The following FERMT2 variants were observed in gnomAD, a reference collection of about 807,000 sequenced individuals.
FERMT2 encodes the protein fermitin family homolog 2.
In FERMT2, 15 loss-of-function variants were observed where a neutral mutation model predicts 82.7. The ratio of observed to expected loss-of-function variants is 0.18; its 90% CI spans 0.12 to 0.28. The LOEUF (loss-of-function observed/expected upper bound fraction) is 0.28, where lower values mean the gene tolerates loss of function less well. Among genes scored for constraint, FERMT2 ranks in the 10% least tolerant of loss-of-function variants. The pLI, the probability that FERMT2 is intolerant of heterozygous loss-of-function variation, is 1.00. For synonymous variants in FERMT2, 274 were observed against 271.5 expected, an observed-to-expected ratio of 1.01 and a Z score of -0.09; for missense variants, 645 against 809.4, an observed-to-expected ratio of 0.80 and a Z score of 2.46.
Position 52,858,452 on chromosome 14 carries a change from G to A in FERMT2, c.1968C>T (p.Leu656=), listed in dbSNP as rs1437101881. ...VHEFIGGYIF[L]STRAKDQNES... is the part of the protein sequence containing the mutation. ...CGTTTTGGTCTTTTGCACGTGTTGA[G>A]AGAAATATGTAGCCACCAATGAATT... Residue 656 remains leucine (L), a synonymous_variant, in exon 15 of 15, where the codon CTC becomes CTT. Transcript: ENST00000341590. The A allele has an allele frequency of 9.3e-6, 15 of 1,614,094 alleles. No individual in the cohort carries two copies. The highest frequency in any genetic ancestry group is 1.6e-4 in the Middle Eastern group (1 of 6,062).
rs1885707980 is a variant in FERMT2 at position 52,872,821 on chromosome 14, T to C, written c.1251A>G (p.Pro417=). 10 of 1,613,892 alleles carry C rather than the reference T, an allele frequency of 6.2e-6. No individual in the cohort carries two copies. Among genetic ancestry groups the C allele is most frequent in the Non-Finnish European group, 8.5e-6 (10 of 1,179,918 alleles). ...TACCCCTGAGGTTCATCTGATGAGC[T>C]GGTGTGCCACTGGATTCTTCTTTGC... ...YKSKEESSGT[P]AHQMNLRGCE... Residue 417 remains proline, a synonymous_variant, in exon 10 of 15, where the codon CCA becomes CCG. Transcript: ENST00000341590.
chr14:52,902,891 ACC>A (rs1290427029), intron 3 of FERMT2, among the ~76,000 whole-genome samples: 6 of 77,076 alleles, frequency 7.8e-5, no homozygotes, highest in Non-Finnish European at 1.0e-4. Flanking sequence ...AAAAAAAAAA[ACC>A]CCAAAACACT....
At position 52,902,868 on chromosome 14, in the gene FERMT2, CA is replaced by C. The variant is rs1252336097; in HGVS notation, c.392-9442del. 2.3e-3 allele frequency among the ~76,000 whole-genome samples: 13 copies of C among 5,544 alleles called. No homozygotes were observed. The South Asian group carries it at 0.048, about 21-fold the overall frequency. The allele number at this position is 5,544 out of a possible 152,430, so 3.6% of individuals were successfully genotyped here. ...TGGGTGGCTGAGCAAGACTCCGTCT[CA>C]AAAAAAAAAAAAAAAAAAAAAACCC... is the stretch of plus-strand genomic sequence containing the variant. On this transcript the variant is annotated intron_variant, in intron 3 of 14. Coordinates refer to ENST00000341590, the MANE Select transcript of FERMT2 (RefSeq NM_006832.3).
intron 2 of FERMT2, among the ~76,000 whole-genome samples, chr14:52,939,192 T>TAAAAA (rs34395615): frequency 1.2e-5 from 1 of 86,038 alleles, no homozygotes. Flanking sequence ...CCATCTCTAC[T>TAAAAA]AAAAAAAAAA....
At chr14:52,910,425 G>A (rs1370308390) in intron 3 of FERMT2, among the ~76,000 whole-genome samples, 1 of 151,920 alleles carries the variant, frequency 6.6e-6, no homozygotes, top group East Asian at 1.9e-4. Flanking sequence ...TCAGATTTTG[G>A]GAGAAAAAGT....
At chr14:52,939,503 T>C (rs905030046) in intron 2 of FERMT2, among the ~76,000 whole-genome samples, 7 of 152,200 alleles carry the variant, frequency 4.6e-5, no homozygotes, top group Admixed American at 1.3e-4. Context: ...TAGCTGGAAC[T>C]GTAATTATCA....
chr14:52,858,219 G>A lies in FERMT2; in HGVS notation c.*158C>T, dbSNP rs1274263965. 3.3e-6 allele frequency: 2 copies of A among 608,128 alleles called. No individual in the cohort carries two copies. The highest frequency in any genetic ancestry group is 2.9e-6 in the Non-Finnish European group (1 of 343,514). The allele number at this position is 608,128 out of a possible 1,614,324, so 37.7% of individuals were successfully genotyped here. ...CATAACATGATAGATTAATAGTCGT[G>A]CTTGTTTAGTGCACATATTAACTGG... On this transcript the variant is annotated 3_prime_UTR_variant, in exon 15 of 15. Coordinates refer to ENST00000341590, the MANE Select transcript of FERMT2 (RefSeq NM_006832.3).
intron 4 of FERMT2, chr14:52,881,740 T>C: frequency 7.5e-7 from 1 of 1,330,958 alleles, no homozygotes. Context: ...AAAATAAGGA[T>C]ATAGCTGAAG....
Position 52,859,697 on chromosome 14 carries a change from T to C in FERMT2, c.1745A>G (p.Lys582Arg). ...GTATGCAATTCCAATAAGTTCTTCT[T>C]TTTTGCCCCCTTGGAACCTATAACA... ...HFIARFQGGK[K>R]EELIGIAYNR... The change falls in exon 14 of 15, where the codon AAA (lysine) becomes AGA (arginine). Residue 582 changes from lysine (K) to arginine (R), a missense_variant. Transcript: ENST00000341590. 6.3e-7 allele frequency: 1 copy of C among 1,595,436 alleles called. No homozygotes were observed. The highest frequency in any genetic ancestry group is 8.5e-7 in the Non-Finnish European group (1 of 1,169,812).
intron 7 of FERMT2, among the ~76,000 whole-genome samples, chr14:52,877,574 C>CTTTTTTTCTTTTT (rs1886042222): frequency 1.5e-5 from 1 of 67,062 alleles, no homozygotes; most frequent in African/African-American, 6.1e-5. Flanking sequence ...GCTGTTCTTG[C>CTTTTTTTCTTTTT]TTTTTTTTTT....
chr14:52,905,434 T>G (rs1304447697), intron 3 of FERMT2, among the ~76,000 whole-genome samples: 1 of 152,132 alleles, frequency 6.6e-6, no homozygotes, highest in Admixed American at 6.5e-5. Flanking sequence ...AAAAAATAAT[T>G]TCAAAAATCT....
chr14:52,903,626 A>C (rs917045053), intron 3 of FERMT2, among the ~76,000 whole-genome samples: 2 of 152,214 alleles, frequency 1.3e-5, no homozygotes, highest in Non-Finnish European at 2.9e-5. Context: ...AAGATAATTT[A>C]ACAATGACTT....
chr14:52,864,696 T>C (rs755315837), intron 11 of FERMT2, 51 bp downstream of exon 11: 18 of 1,568,104 alleles, frequency 1.1e-5, no homozygotes, highest in Non-Finnish European at 1.5e-5. Flanking sequence ...TAAGGATGAC[T>C]GGTCAACTCA....
chr14:52,859,733 G>C lies in FERMT2; in HGVS notation c.1728-19C>G. ...TTGGAACCTATAACATTTAAGAAAA[G>C]AACGGTTAAAAACATGTTGTGGGGG... On this transcript the variant is annotated intron_variant, in intron 13 of 14. Coordinates refer to ENST00000341590, the MANE Select transcript of FERMT2 (RefSeq NM_006832.3). 1 of 1,500,750 alleles carries C rather than the reference G, an allele frequency of 6.7e-7. No individual in the cohort carries two copies. Among genetic ancestry groups the C allele is most frequent in the Non-Finnish European group, 9.1e-7 (1 of 1,102,072 alleles). The allele number at this position is 1,500,750 out of a possible 1,614,324, so 93.0% of individuals were successfully genotyped here.
At chr14:52,916,881 A>G (rs534211268) in intron 3 of FERMT2, among the ~76,000 whole-genome samples, 10 of 152,356 alleles carry the variant, frequency 6.6e-5, no homozygotes, top group Middle Eastern at 6.8e-3. Flanking sequence ...TCAAAAATGG[A>G]CAAATGATAT....
In FERMT2 at chr14:52,857,426, A is replaced by G. The variant is rs1266875519; in HGVS notation, c.*951T>C. 6.6e-6 allele frequency: 1 copy of G among 152,652 alleles called. No individual in the cohort carries two copies. Among genetic ancestry groups the G allele is most frequent in the South Asian group, 2.1e-4 (1 of 4,830 alleles). The allele number at this position is 152,652 out of a possible 1,614,324, so 9.5% of individuals were successfully genotyped here. On this transcript the variant is annotated 3_prime_UTR_variant, in exon 15 of 15. Transcript: ENST00000341590. ...TCTGACTAGCACCAATACAGATTGT[A>G]ACAGCGCAACAGACTAGAACATGGC... is the stretch of plus-strand genomic sequence containing the variant.
chr14:52,915,692 G>A (rs941717260), intron 3 of FERMT2, among the ~76,000 whole-genome samples: 1 of 152,144 alleles, frequency 6.6e-6, no homozygotes, highest in Non-Finnish European at 1.5e-5. Context: ...GATGATACCT[G>A]TAATTCAAAA....
intron 12 of FERMT2, chr14:52,862,172 C>G (rs921447530): frequency 1.3e-5 from 2 of 152,250 alleles, no homozygotes; most frequent in Non-Finnish European, 2.9e-5. Context: ...ACAGGTGATT[C>G]TCCTGCCTCA....
chr14:52,885,847 ATTATTT>A (rs1886570147), intron 4 of FERMT2, among the ~76,000 whole-genome samples: 1 of 152,006 alleles, frequency 6.6e-6, no homozygotes, highest in East Asian at 1.9e-4. Flanking sequence ...TTTTTATGGT[ATTATTT>A]TTATATTTTT....
Sources: allele counts gnomAD v4.1 joint callset (sites outside exome capture counted in the v4.1 genomes callset), GRCh38; gene constraint gnomAD v4.1.1; transcripts MANE v1.5; gene names NCBI Gene and HGNC (gene_info 2026-07-23, HGNC 2026-07-21).